The following TNIK variants were observed in gnomAD, a reference collection of about 807,000 sequenced individuals.
TNIK encodes TRAF2 and NCK interacting kinase.
In TNIK, 49 loss-of-function variants were observed where a neutral mutation model predicts 191.3. The observed-to-expected ratio is 0.26, with a 90% CI of 0.20 to 0.32. The LOEUF (loss-of-function observed/expected upper bound fraction) is 0.32, where lower values mean the gene tolerates loss of function less well. Among genes scored for constraint, TNIK ranks in the 10% least tolerant of loss-of-function variants. The pLI, the probability that TNIK is intolerant of heterozygous loss-of-function variation, is 1.00. For synonymous variants in TNIK, 594 were observed against 600.9 expected (o/e 0.99, Z 0.17); for missense variants, 1,155 against 1,702.3 (o/e 0.68, Z 5.66).
intron 2 of TNIK, among the ~76,000 whole-genome samples, chr3:171,353,084 T>G (rs1230095614): frequency 3.3e-5 from 5 of 152,170 alleles, no homozygotes; most frequent in Non-Finnish European, 7.3e-5. Flanking sequence ...TTTAGAATGG[T>G]CAGATATGAG....
intron 23 of TNIK, among the ~76,000 whole-genome samples, chr3:171,090,475 T>C (rs1721925647): frequency 6.6e-6 from 1 of 151,542 alleles, no homozygotes; most frequent in African/African-American, 2.4e-5. Context: ...CTTTTACTCA[T>C]TACTTGTAAC....
intron 2 of TNIK, among the ~76,000 whole-genome samples, chr3:171,348,046 G>A (rs1323300693): frequency 6.6e-6 from 1 of 152,176 alleles, no homozygotes; most frequent in Non-Finnish European, 1.5e-5. Flanking sequence ...GTGCATGGTA[G>A]CCACAGTGCT....
rs1720786189 is a variant in TNIK, at chr3:171,082,233, A to G, written c.3313+18T>C. ...CCCGCTGTATGGACCTGGGGGACTC[A>G]TCATCTTAGTAACATACCTGAAATT... On this transcript the variant is annotated intron_variant, in intron 27 of 32. Coordinates refer to ENST00000436636, the MANE Select transcript of TNIK (RefSeq NM_015028.4). 6.2e-7 allele frequency: 1 copy of G among 1,609,618 alleles called. No homozygotes were observed. Among genetic ancestry groups the G allele is most frequent in the Non-Finnish European group, 8.5e-7 (1 of 1,177,826 alleles).
chr3:171,411,465 T>G (rs992655177), intron 1 of TNIK, among the ~76,000 whole-genome samples: 3 of 152,098 alleles, frequency 2.0e-5, no homozygotes, highest in Non-Finnish European at 4.4e-5. Flanking sequence ...TATATAAATT[T>G]ATTGCATGTA....
intron 2 of TNIK, among the ~76,000 whole-genome samples, chr3:171,271,860 C>T (rs576989979): frequency 3.9e-5 from 6 of 152,324 alleles, no homozygotes; most frequent in African/African-American, 1.2e-4. Context: ...ATTTAAATAA[C>T]TAAGTTCCAA....
chr3:171,427,395 C>T (rs1274777781), intron 1 of TNIK, among the ~76,000 whole-genome samples: 1 of 152,098 alleles, frequency 6.6e-6, no homozygotes. Context: ...AATCCTCTGC[C>T]TTTGATCCCC....
chr3:171,146,814 C>T (rs573411080), intron 12 of TNIK, among the ~76,000 whole-genome samples: 31 of 150,296 alleles, frequency 2.1e-4, no homozygotes, highest in African/African-American at 7.6e-4. Context: ...TGCTTGAACC[C>T]AGGAGGCGGA....
chr3:171,085,397 A>G (rs564437750), intron 24 of TNIK, among the ~76,000 whole-genome samples, 168 bp from the exon 25 acceptor site: 10 of 152,314 alleles, frequency 6.6e-5, no homozygotes, highest in African/African-American at 2.2e-4. Flanking sequence ...TTCTTCTGGT[A>G]TTGGTTACTC....
At chr3:171,328,896 C>T (rs1756106751) in intron 2 of TNIK, among the ~76,000 whole-genome samples, 3 of 152,258 alleles carry the variant, frequency 2.0e-5, no homozygotes, top group East Asian at 1.9e-4. Context: ...CAATGGAGGG[C>T]GCTGTGGAGA....
At position 171,407,112 on chromosome 3, in the gene TNIK, C is replaced by G. The variant is rs538540331; in HGVS notation, c.58-37427G>C. Among the ~76,000 whole-genome samples, 9 of 152,088 alleles carry G rather than the reference C, an allele frequency of 5.9e-5. No homozygotes were observed. The South Asian group carries it at 1.7e-3, about 28-fold the overall frequency. ...ACACTGAGAGCTGGGGACTGGGGTC[C>G]GGTGGTTCTCCACTGGTATGTGGGT... On this transcript the variant is annotated intron_variant, in intron 1 of 32. Transcript: ENST00000436636.
chr3:171,362,332 T>C (rs755231352), intron 2 of TNIK, among the ~76,000 whole-genome samples: 9 of 152,230 alleles, frequency 5.9e-5, no homozygotes, highest in Non-Finnish European at 1.2e-4. Context: ...GTTTTTGCCA[T>C]TAAAAGTAAT....
chr3:171,221,282 T>C (rs1742300317), intron 3 of TNIK, among the ~76,000 whole-genome samples: 1 of 152,184 alleles, frequency 6.6e-6, no homozygotes, highest in Non-Finnish European at 1.5e-5. Flanking sequence ...CAAAGAGCTG[T>C]CCAGAGGGCC....
chr3:171,270,485 A>AC (rs1227019344), intron 2 of TNIK, among the ~76,000 whole-genome samples: 1 of 152,190 alleles, frequency 6.6e-6, no homozygotes, highest in African/African-American at 2.4e-5. Context: ...CTCCAAAAAT[A>AC]CCCACATCGT....
At chr3:171,126,263 A>G (rs1006525436) in intron 16 of TNIK, 112 bp from the exon 17 acceptor site, 3 of 1,343,214 alleles carry the variant, frequency 2.2e-6, no homozygotes, top group Non-Finnish European at 2.9e-6. Flanking sequence ...CAAAAATTGG[A>G]CTATAGAGAG....
At chr3:171,206,847 C>T (rs1008719224) in intron 4 of TNIK, among the ~76,000 whole-genome samples, 3 of 152,096 alleles carry the variant, frequency 2.0e-5, no homozygotes, top group South Asian at 4.1e-4. Flanking sequence ...ACCAACGATT[C>T]GTAAATAAAC....
chr3:171,430,721 T>C (rs1467234633), intron 1 of TNIK, among the ~76,000 whole-genome samples: 2 of 151,978 alleles, frequency 1.3e-5, no homozygotes, highest in Non-Finnish European at 2.9e-5. Context: ...AATTTAATAT[T>C]AAATGAATAA....
At chr3:171,372,575 A>G (rs1488206534) in intron 1 of TNIK, among the ~76,000 whole-genome samples, 13 of 152,230 alleles carry the variant, frequency 8.5e-5, no homozygotes, top group Non-Finnish European at 1.9e-4. Context: ...CTGGAGAATT[A>G]TCCTACCTGG....
intron 1 of TNIK, among the ~76,000 whole-genome samples, chr3:171,426,203 C>T (rs984347951): frequency 5.3e-5 from 8 of 152,014 alleles, no homozygotes; most frequent in Non-Finnish European, 8.8e-5. Flanking sequence ...GGCACATATA[C>T]ACCATGGAAT....
At chr3:171,403,337 G>A (rs572264568) in intron 1 of TNIK, among the ~76,000 whole-genome samples, 8 of 151,700 alleles carry the variant, frequency 5.3e-5, no homozygotes, top group African/African-American at 1.2e-4. Context: ...GTGAATGGCC[G>A]GGCACGGTGG....
Sources: gnomAD v4.1 joint callset for allele counts (sites outside exome capture counted in the v4.1 genomes callset) on GRCh38, gnomAD v4.1.1 for gene constraint, MANE v1.5 for transcripts, NCBI Gene and HGNC (gene_info 2026-07-23, HGNC 2026-07-21) for gene names.